C17orf99: variants seen among roughly 807,000 people sequenced by gnomAD.
C17orf99 encodes chromosome 17 open reading frame 99.
In C17orf99, 18 loss-of-function variants were observed where a neutral mutation model predicts 22.6. The observed-to-expected ratio is 0.80, with a 90% CI of 0.55 to 1.18. The LOEUF is 1.18. Among genes scored for constraint, C17orf99 ranks in the 50% most tolerant of loss-of-function variants. The pLI is 0.00. For synonymous variants in C17orf99, 147 were observed against 136.6 expected, an observed-to-expected ratio of 1.08 and a Z score of -0.53; for missense variants, 328 against 342.7, an observed-to-expected ratio of 0.96 and a Z score of 0.34.
chr17:78,151,708 T>A (rs547952305), intron 2 of C17orf99, among the ~76,000 whole-genome samples: 15 of 152,118 alleles, frequency 9.9e-5, no homozygotes, highest in Non-Finnish European at 1.9e-4. Flanking sequence ...GAGTTAATAT[T>A]TAACATGAGA....
At chr17:78,160,534 TA>T (rs372825479) in intron 2 of C17orf99, among the ~76,000 whole-genome samples, 243 of 135,168 alleles carry the variant, frequency 1.8e-3, no homozygotes, top group Admixed American at 3.5e-3. Context: ...AGACTCCATC[TA>T]AAAAAAAAAA....
Position 78,157,857 on chromosome 17 carries a change from G to A in C17orf99, c.71-3098G>A, listed in dbSNP as rs1358540166. 14 of 984,646 alleles carry A rather than the reference G, an allele frequency of 1.4e-5. No individual in the cohort carries two copies. In the South Asian group the frequency reaches 1.5e-4, roughly 11 times the overall value. 61.0% of individuals were successfully genotyped at this position (984,646 alleles called of 1,614,324 possible). ...TTTGTGGTACTCAAAGGCCGGCCAC[G>A]TAAGATCGTCGAGATGTCTACTTCG... On this transcript the variant is annotated intron_variant, in intron 2 of 4. Coordinates refer to ENST00000340363, the MANE Select transcript of C17orf99 (RefSeq NM_001163075.2).
At chr17:78,145,599 C>T (rs955015067), upstream of C17orf99, among the ~76,000 whole-genome samples, 5 of 152,132 alleles carry the variant, frequency 3.3e-5, no homozygotes, top group African/African-American at 1.2e-4. Context: ...CGGCTGTGAA[C>T]CATCATGGGT....
chr17:78,148,566 G>A (rs2075453318), intron 2 of C17orf99, among the ~76,000 whole-genome samples: 1 of 152,088 alleles, frequency 6.6e-6, no homozygotes. Context: ...AGAAAAGCAA[G>A]CAGGGTAGAA....
At chr17:78,147,863 C>T (rs1019952146) in intron 2 of C17orf99, among the ~76,000 whole-genome samples, 17 of 152,326 alleles carry the variant, frequency 1.1e-4, no homozygotes, top group African/African-American at 4.1e-4. Flanking sequence ...CTGTGCAGGG[C>T]AGTTCCGCCT....
chr17:78,147,497 C>T (rs185353724), intron 2 of C17orf99, among the ~76,000 whole-genome samples: 75 of 152,234 alleles, frequency 4.9e-4, no homozygotes, highest in Non-Finnish European at 8.5e-4. Context: ...TGGGGAAGGT[C>T]CCTGACAGCC....
In C17orf99 at chr17:78,165,973, T is replaced by C; in HGVS notation, c.725T>C (p.Leu242Pro). The C allele has an allele frequency of 6.7e-7, 1 of 1,501,986 alleles. No homozygotes were observed. The highest frequency in any genetic ancestry group is 9.0e-7 in the Non-Finnish European group (1 of 1,116,234). The allele number at this position is 1,501,986 out of a possible 1,614,324, so 93.0% of individuals were successfully genotyped here. Residue 242 changes from leucine (L) to proline (P), a missense_variant, in exon 5 of 5, where the codon CTG (leucine) becomes CCG (proline). Transcript: ENST00000340363. ...CCGCTCTACAGGAGCACCCGCCGTC[T>C]GAGTGAAGAGGAGTTTGGGGGGTTC... is the stretch of plus-strand genomic sequence containing the variant. ...ALPLYRSTRR[L>P]SEEEFGGFRI... is the part of the protein sequence containing the mutation.
intron 2 of C17orf99, chr17:78,158,287 A>G (rs1598948542): frequency 2.3e-6 from 1 of 432,924 alleles, no homozygotes; most frequent in African/African-American, 2.1e-5. Context: ...AGGCTGCTGG[A>G]CTCCTCCTAC....
chr17:78,147,346 G>C (rs774707170), intron 2 of C17orf99, among the ~76,000 whole-genome samples: 10 of 152,192 alleles, frequency 6.6e-5, no homozygotes, highest in Non-Finnish European at 1.5e-4. Flanking sequence ...CTCTGACCAG[G>C]AGGAGGGCCG....
intron 4 of C17orf99, chr17:78,165,656 G>C: frequency 1.1e-6 from 1 of 910,912 alleles, no homozygotes; most frequent in East Asian, 5.7e-5. Flanking sequence ...TACAAAATTA[G>C]CCGGGCGTGG....
At chr17:78,163,974 C>T (rs2075597615) in intron 3 of C17orf99, 121 bp from the exon 4 acceptor site, 11 of 857,828 alleles carry the variant, frequency 1.3e-5, no homozygotes, top group African/African-American at 1.0e-4. Flanking sequence ...AGAAGGCGGC[C>T]TGGAGGAGGC....
At chr17:78,160,867 C>A in intron 2 of C17orf99, 88 bp from the exon 3 acceptor site, 1 of 1,103,732 alleles carries the variant, frequency 9.1e-7, no homozygotes, top group Non-Finnish European at 1.3e-6. Flanking sequence ...CAGGTGTTTG[C>A]CACCGAGCCT....
chr17:78,157,772 G>A, intron 2 of C17orf99: 1 of 613,536 alleles, frequency 1.6e-6, no homozygotes, highest in Non-Finnish European at 2.6e-6. Flanking sequence ...ACTCCAGCCT[G>A]GGCGACAGAG....
chr17:78,157,823 A>G (rs2075540338), intron 2 of C17orf99: 4 of 814,386 alleles, frequency 4.9e-6, no homozygotes, highest in Admixed American at 5.2e-5. Flanking sequence ...AAAAAAAAAA[A>G]AGAATGGCTT....
At chr17:78,153,978 T>C (rs1460595855) in intron 2 of C17orf99, among the ~76,000 whole-genome samples, 3 of 133,304 alleles carry the variant, frequency 2.3e-5, no homozygotes, top group Non-Finnish European at 4.6e-5. Flanking sequence ...CAGGCTGGAG[T>C]ACAGCAGCAC....
At chr17:78,164,802 C>T in intron 4 of C17orf99, 2 of 1,242,304 alleles carry the variant, frequency 1.6e-6, no homozygotes, top group Non-Finnish European at 2.1e-6. Flanking sequence ...GCCATCACCG[C>T]TTACGCATGA....
chr17:78,154,347 G>A (rs922798706), intron 2 of C17orf99, among the ~76,000 whole-genome samples: 14 of 151,704 alleles, frequency 9.2e-5, no homozygotes, highest in South Asian at 2.1e-4. Context: ...TCAGGAGTTC[G>A]AAACCAGTCT....
In C17orf99 at chr17:78,150,237, G is replaced by C. The variant is rs184663426; in HGVS notation, c.70+3326G>C. On this transcript the variant is annotated intron_variant, in intron 2 of 4. Transcript: ENST00000340363. ...TTTGCCAGGCTCGTCTCAGACTCAAGCTCAAGTGATCTGCCCGCCTCAGCC... is the reference window on the plus strand; with the variant it reads ...TTTGCCAGGCTCGTCTCAGACTCAACCTCAAGTGATCTGCCCGCCTCAGCC... 1.4e-3 allele frequency among the ~76,000 whole-genome samples: 220 copies of C among 152,074 alleles called. 2 individuals carry two copies. The highest frequency in any genetic ancestry group is 0.014 in the Admixed American group (218 of 15,262).
At chr17:78,159,450 C>T (rs909650717) in intron 2 of C17orf99, among the ~76,000 whole-genome samples, 5 of 152,144 alleles carry the variant, frequency 3.3e-5, no homozygotes, top group African/African-American at 1.2e-4. Context: ...ACCAGTCTGG[C>T]CAACATGATG....
Sources: allele counts gnomAD v4.1 joint callset (sites outside exome capture counted in the v4.1 genomes callset), GRCh38; gene constraint gnomAD v4.1.1; transcripts MANE v1.5; gene names NCBI Gene and HGNC (gene_info 2026-07-23, HGNC 2026-07-21).